The following LCORL variants were observed in gnomAD, a reference collection of about 807,000 sequenced individuals.
LCORL encodes the protein ligand-dependent nuclear receptor corepressor-like protein.
Under a neutral mutation model 141.8 loss-of-function variants are expected in LCORL, and 41 were observed. The observed-to-expected ratio is 0.29, with a 90% CI of 0.23 to 0.38. The LOEUF is 0.38. Ranked by LOEUF, LCORL falls within the 10% of genes least tolerant of loss-of-function variation. LCORL has a pLI of 1.00. For missense variants in LCORL, 1,759 were observed against 2,035.0 expected (o/e 0.86, Z 2.61); for synonymous variants, 618 against 694.1 (o/e 0.89, Z 1.72).
At chr4:17,856,045 T>A (rs1444689565) in intron 7 of LCORL, among the ~76,000 whole-genome samples, 2 of 152,242 alleles carry the variant, frequency 1.3e-5, no homozygotes. Flanking sequence ...TAAGCAGTTA[T>A]CTTATACTTG....
chr4:17,987,776 T>C (rs1260355899), intron 1 of LCORL, among the ~76,000 whole-genome samples: 1 of 152,254 alleles, frequency 6.6e-6, no homozygotes, highest in African/African-American at 2.4e-5. Context: ...TGGCAATTCA[T>C]GTAAGTTCCT....
intron 4 of LCORL, among the ~76,000 whole-genome samples, chr4:17,949,507 T>TC (rs764328401): frequency 1.3e-5 from 2 of 152,104 alleles, no homozygotes; most frequent in Non-Finnish European, 2.9e-5. Context: ...AATAACCCCC[T>TC]CTTCCTTAAC....
chr4:17,987,493 C>A (rs1719190163), intron 1 of LCORL, among the ~76,000 whole-genome samples: 1 of 152,038 alleles, frequency 6.6e-6, no homozygotes, highest in Non-Finnish European at 1.5e-5. Context: ...CCACTTTTTG[C>A]TATTGTGAAT....
chr4:17,936,306 A>G (rs1487447172), intron 4 of LCORL, among the ~76,000 whole-genome samples: 1 of 151,206 alleles, frequency 6.6e-6, no homozygotes, highest in African/African-American at 2.4e-5. Flanking sequence ...TTTCAGGACC[A>G]CTAGAATTTT....
exon 7 of LCORL, chr4:17,874,511 T>G (rs907845538): frequency 1.6e-6 from 2 of 1,233,702 alleles, no homozygotes; most frequent in African/African-American, 3.1e-5. Flanking sequence ...GAAAAAGCAT[T>G]TTTACAGGTG....
intron 2 of LCORL, among the ~76,000 whole-genome samples, chr4:17,970,444 TAACA>T (rs1356725853): frequency 6.6e-6 from 1 of 152,104 alleles, no homozygotes; most frequent in Non-Finnish European, 1.5e-5. Context: ...CTATAATAAA[TAACA>T]AACAATCTAA....
chr4:17,877,237 T>C (rs1038684186), exon 7 of LCORL: 2 of 1,230,304 alleles, frequency 1.6e-6, no homozygotes, highest in African/African-American at 3.1e-5. Context: ...AATAATTCCA[T>C]AAAACTATAA....
intron 4 of LCORL, among the ~76,000 whole-genome samples, chr4:17,925,318 T>C (rs893806075): frequency 2.0e-5 from 3 of 152,140 alleles, no homozygotes; most frequent in Non-Finnish European, 4.4e-5. Context: ...CATCTCTTAG[T>C]ATTACCATGC....
exon 7 of LCORL, chr4:17,874,741 T>C: frequency 1.6e-6 from 2 of 1,233,936 alleles, no homozygotes; most frequent in East Asian, 3.2e-5. Context: ...TTTGATGAAA[T>C]TATAGGATCC....
intron 7 of LCORL, among the ~76,000 whole-genome samples, chr4:17,851,135 G>C (rs1482803515): frequency 1.7e-5 from 2 of 115,942 alleles, no homozygotes; most frequent in Admixed American, 9.7e-5. Flanking sequence ...TTGTGGGGTG[G>C]GGGGAGGGGG....
intron 1 of LCORL, among the ~76,000 whole-genome samples, chr4:18,013,766 T>C (rs1049053304): frequency 6.6e-6 from 1 of 152,136 alleles, no homozygotes; most frequent in African/African-American, 2.4e-5. Flanking sequence ...AGAAAGCTCT[T>C]AAATTTGCTT....
intron 7 of LCORL, among the ~76,000 whole-genome samples, chr4:17,867,314 A>T (rs1725795440): frequency 6.6e-6 from 1 of 151,872 alleles, no homozygotes; most frequent in Non-Finnish European, 1.5e-5. Context: ...TAGTGATACG[A>T]ACAGAGTCGG....
At chr4:18,017,073 A>C (rs1724752779) in intron 1 of LCORL, among the ~76,000 whole-genome samples, 1 of 152,152 alleles carries the variant, frequency 6.6e-6, no homozygotes, top group African/African-American at 2.4e-5. Flanking sequence ...GTTTTTGCAG[A>C]AATAACACTG....
intron 7 of LCORL, among the ~76,000 whole-genome samples, chr4:17,868,354 A>G (rs1212572829): frequency 6.6e-6 from 1 of 152,068 alleles, no homozygotes; most frequent in Non-Finnish European, 1.5e-5. Flanking sequence ...TCAAAGTGTC[A>G]ACTGAATTCA....
chr4:17,983,856 G>A (rs1297796036), intron 1 of LCORL, among the ~76,000 whole-genome samples: 1 of 152,104 alleles, frequency 6.6e-6, no homozygotes, highest in African/African-American at 2.4e-5. Flanking sequence ...AGTTTTCAAG[G>A]GTAATGCTTC....
At chr4:18,010,819 T>C (rs977593424) in intron 1 of LCORL, among the ~76,000 whole-genome samples, 1 of 152,122 alleles carries the variant, frequency 6.6e-6, no homozygotes, top group Non-Finnish European at 1.5e-5. Flanking sequence ...AACAGTTGTA[T>C]TGTTTCCAGT....
chr4:17,912,764 C>G, intron 4 of LCORL: 1 of 417,126 alleles, frequency 2.4e-6, no homozygotes, highest in Non-Finnish European at 4.7e-6. Flanking sequence ...GGCAAAGAGG[C>G]AGCACCAGGC....
Position 17,899,544 on chromosome 4 carries a change from G to T in LCORL, c.682+9550C>A, listed in dbSNP as rs529321360. ...AGGAACAAAATCTTGGCAGAACCTAGTAAGTCATTAAAAGAAATGTAAATT... is the reference window on the plus strand; with the variant it reads ...AGGAACAAAATCTTGGCAGAACCTATTAAGTCATTAAAAGAAATGTAAATT... On this transcript the variant is annotated intron_variant, in intron 5 of 7. Coordinates refer to ENST00000635767, the Ensembl canonical transcript of LCORL. 2.0e-5 allele frequency among the ~76,000 whole-genome samples: 3 copies of T among 152,208 alleles called. No individual in the cohort carries two copies. In the East Asian group the frequency reaches 5.8e-4, roughly 29 times the overall value.
intron 1 of LCORL, among the ~76,000 whole-genome samples, chr4:17,984,785 T>C (rs1004025518): frequency 6.6e-6 from 1 of 152,136 alleles, no homozygotes; most frequent in Admixed American, 6.5e-5. Context: ...TTTTGGTTAT[T>C]TCTTGTTTTC....
Sources: allele counts gnomAD v4.1 joint callset (sites outside exome capture counted in the v4.1 genomes callset), GRCh38; gene constraint gnomAD v4.1.1; transcripts MANE v1.5; gene names NCBI Gene and HGNC (gene_info 2026-07-23, HGNC 2026-07-21).